Variants in PLS1 observed in about 807,000 individuals in gnomAD.
PLS1 encodes plastin 1, also known as plastin-1.
In PLS1, 32 loss-of-function variants were observed where a neutral mutation model predicts 73.7. The observed-to-expected ratio is 0.43, with a 90% CI of 0.33 to 0.58. PLS1 has a LOEUF of 0.58. Ranked by LOEUF, PLS1 falls within the 20% of genes least tolerant of loss-of-function variation. The pLI, the probability that PLS1 is intolerant of heterozygous loss-of-function variation, is 0.04. For missense variants in PLS1, 633 were observed against 740.5 expected (o/e 0.85, Z 1.68); for synonymous variants, 217 against 261.3 (o/e 0.83, Z 1.63).
At chr3:142,636,884 A>G (rs1395687049) in intron 1 of PLS1, among the ~76,000 whole-genome samples, 4 of 152,174 alleles carry the variant, frequency 2.6e-5, no homozygotes, top group Admixed American at 6.5e-5. Flanking sequence ...CACTATTTGA[A>G]TGGCCAAAAT....
At chr3:142,601,171 C>T (rs1054328940) in intron 1 of PLS1, among the ~76,000 whole-genome samples, 6 of 150,462 alleles carry the variant, frequency 4.0e-5, no homozygotes, top group African/African-American at 7.3e-5. Context: ...GTGATCCGCC[C>T]GCCTTGGCCT....
At chr3:142,639,953 C>T (rs1397046233) in intron 1 of PLS1, among the ~76,000 whole-genome samples, 1 of 152,166 alleles carries the variant, frequency 6.6e-6, no homozygotes, top group Non-Finnish European at 1.5e-5. Flanking sequence ...ACTAGTTCTA[C>T]ATGTATTTCA....
At chr3:142,690,669 A>G (rs1379503353) in intron 10 of PLS1, among the ~76,000 whole-genome samples, 1 of 152,234 alleles carries the variant, frequency 6.6e-6, no homozygotes, top group African/African-American at 2.4e-5. Flanking sequence ...AATCTTTGAA[A>G]GGATTCATTT....
intron 1 of PLS1, among the ~76,000 whole-genome samples, chr3:142,621,893 C>A (rs1000898758): frequency 2.0e-5 from 3 of 152,162 alleles, no homozygotes; most frequent in Non-Finnish European, 4.4e-5. Flanking sequence ...CTACAGCCAT[C>A]CGTAAGTGGT....
At chr3:142,657,651 G>C (rs1465922477) in intron 1 of PLS1, among the ~76,000 whole-genome samples, 4 of 151,928 alleles carry the variant, frequency 2.6e-5, no homozygotes, top group Non-Finnish European at 2.9e-5. Flanking sequence ...CACCACACCT[G>C]GCTAATTTTT....
At chr3:142,605,367 A>C (rs1413475210) in intron 1 of PLS1, among the ~76,000 whole-genome samples, 3 of 152,170 alleles carry the variant, frequency 2.0e-5, no homozygotes, top group Non-Finnish European at 4.4e-5. Flanking sequence ...ACATTTGAAA[A>C]AATGTCAGGG....
At chr3:142,637,654 T>G (rs6784089) in intron 1 of PLS1, among the ~76,000 whole-genome samples, 1 of 151,966 alleles carries the variant, frequency 6.6e-6, no homozygotes, top group African/African-American at 2.4e-5. Flanking sequence ...GTGTAAATTA[T>G]GTTTTAAGAA....
intron 14 of PLS1, among the ~76,000 whole-genome samples, chr3:142,709,268 CA>C (rs1440769622): frequency 6.6e-6 from 1 of 152,196 alleles, no homozygotes; most frequent in East Asian, 1.9e-4. Context: ...ACAAATACCC[CA>C]CATGATTTTC....
At chr3:142,609,639 T>G (rs888292745) in intron 1 of PLS1, among the ~76,000 whole-genome samples, 30 of 152,362 alleles carry the variant, frequency 2.0e-4, no homozygotes, top group African/African-American at 6.5e-4. Flanking sequence ...AAGTCTCTTC[T>G]GTAGAGATAG....
chr3:142,669,203 T>C (rs2037548301), intron 2 of PLS1, among the ~76,000 whole-genome samples, 187 bp from the exon 3 acceptor site: 1 of 152,064 alleles, frequency 6.6e-6, no homozygotes, highest in Non-Finnish European at 1.5e-5. Context: ...CTGGCTTAAA[T>C]ACGAGTTTTT....
At chr3:142,688,126 T>G (rs889594202) in intron 9 of PLS1, among the ~76,000 whole-genome samples, 1 of 152,142 alleles carries the variant, frequency 6.6e-6, no homozygotes. Context: ...TTTTGTGTTT[T>G]TAGTAGAGAC....
In PLS1 at chr3:142,713,326, G is replaced by A. The variant is rs1320290261; in HGVS notation, c.*1319G>A. 1 of 152,546 alleles carries A rather than the reference G, an allele frequency of 6.6e-6. No homozygotes were observed. The highest frequency in any genetic ancestry group is 2.4e-5 in the African/African-American group (1 of 41,436). The allele number at this position is 152,546 out of a possible 1,614,324, so 9.4% of individuals were successfully genotyped here. A position where few individuals can be genotyped will look rare whatever the true frequency, so the allele number is the denominator to read the frequency against. On this transcript the variant is annotated 3_prime_UTR_variant, in exon 16 of 16. Coordinates refer to ENST00000457734, the MANE Select transcript of PLS1 (RefSeq NM_001145319.2). ...CACTTTATCTCAGTGTGAATGAGTA[G>A]TCTAAATTCCCTTTCTACCATTGAT...
chr3:142,605,696 A>C (rs2036005638), intron 1 of PLS1, among the ~76,000 whole-genome samples: 1 of 152,194 alleles, frequency 6.6e-6, no homozygotes, highest in African/African-American at 2.4e-5. Context: ...TCCTCTATGA[A>C]ATTTATGTGC....
intron 1 of PLS1, among the ~76,000 whole-genome samples, chr3:142,649,252 T>G (rs1225542515): frequency 6.8e-6 from 1 of 147,756 alleles, no homozygotes; most frequent in East Asian, 2.0e-4. Flanking sequence ...AGGTGGATCA[T>G]CTGAGCCCTG....
At chr3:142,705,210 T>G (rs1002117886) in intron 14 of PLS1, among the ~76,000 whole-genome samples, 18 of 152,102 alleles carry the variant, frequency 1.2e-4, no homozygotes, top group African/African-American at 4.1e-4. Flanking sequence ...AGTTATCAAA[T>G]GAAAAAGATA....
At position 142,602,120 on chromosome 3, in the gene PLS1, T is replaced by TC. The variant is rs367844192; in HGVS notation, c.-37+5611_-37+5612insC. 9.5e-3 allele frequency among the ~76,000 whole-genome samples: 1,444 copies of TC among 151,916 alleles called. 8 individuals are homozygous for TC. The highest frequency in any genetic ancestry group is 0.016 in the Non-Finnish European group (1,091 of 67,948). On this transcript the variant is annotated intron_variant, in intron 1 of 15. Coordinates refer to ENST00000457734, the MANE Select transcript of PLS1 (RefSeq NM_001145319.2). ...TAAATCGTTCCGGTTTTTTTTTTTT[T>TC]TCATTCCACTTAGTCTTTATCTCCT...
intron 14 of PLS1, among the ~76,000 whole-genome samples, chr3:142,709,722 C>A (rs28564963): frequency 0.028 from 4,262 of 151,140 alleles, 217 homozygotes; most frequent in African/African-American, 0.099. Flanking sequence ...GAGGCTGAGG[C>A]AGGAGAATGG....
At chr3:142,615,381 T>C (rs2108553072) in intron 1 of PLS1, among the ~76,000 whole-genome samples, 1 of 152,310 alleles carries the variant, frequency 6.6e-6, no homozygotes, top group South Asian at 2.1e-4. Flanking sequence ...GTGACTGTGC[T>C]TCCAGAGTGA....
rs199708068 is a variant in PLS1 at position 142,599,178 on chromosome 3, GAATAAATAAATA to G, written c.-37+2696_-37+2707del. Among the ~76,000 whole-genome samples the G allele has an allele frequency of 1.1e-3, 167 of 147,070 alleles. 1 individual carries two copies. The highest frequency in any genetic ancestry group is 2.4e-3 in the South Asian group (11 of 4,650). ...CTCAATAGTTATTACATGAATGAAT[GAATAAATAAATA>G]AATAAATAAATAAATAAATAAATAA... On this transcript the variant is annotated intron_variant, in intron 1 of 15. Coordinates refer to ENST00000457734, the MANE Select transcript of PLS1 (RefSeq NM_001145319.2).
Sources: allele counts gnomAD v4.1 joint callset (sites outside exome capture counted in the v4.1 genomes callset), GRCh38; gene constraint gnomAD v4.1.1; transcripts MANE v1.5; gene names NCBI Gene and HGNC (gene_info 2026-07-23, HGNC 2026-07-21).